KCNC2: variants seen among roughly 807,000 people sequenced by gnomAD.
KCNC2 encodes the protein potassium voltage-gated channel subfamily C member 2, also known as voltage-gated potassium channel KCNC2.
KCNC2 carries 21 observed loss-of-function variants against 44.5 expected under a neutral mutation model. That is an observed-to-expected ratio of 0.47 (90% CI 0.33 to 0.68). The LOEUF is 0.68. Ranked by LOEUF, KCNC2 falls within the 30% of genes least tolerant of loss-of-function variation. KCNC2 has a pLI of 0.01. For missense variants in KCNC2, 589 were observed against 826.2 expected (o/e 0.71, Z 3.52); for synonymous variants, 391 against 339.1 (o/e 1.15, Z -1.68).
At chr12:75,110,597 G>C (rs1887153649) in intron 2 of KCNC2, among the ~76,000 whole-genome samples, 1 of 152,122 alleles carries the variant, frequency 6.6e-6, no homozygotes, top group African/African-American at 2.4e-5. Context: ...GAGAACAAAA[G>C]AGGGCTGAGC....
At position 75,040,359 on chromosome 12, in the gene KCNC2, A is replaced by T. The variant is rs920429478; in HGVS notation, c.*2746T>A. ...AGTTTTAAAGACACGTACAAGCTTC[A>T]TTTGCCACAAAACTCACAAAAAAGT... On this transcript the variant is annotated 3_prime_UTR_variant, in exon 5 of 5. Transcript: ENST00000549446. 6.6e-6 allele frequency: 1 copy of T among 152,178 alleles called. No homozygotes were observed. Among genetic ancestry groups the T allele is most frequent in the Non-Finnish European group, 1.5e-5 (1 of 67,958 alleles). The allele number at this position is 152,178 out of a possible 1,614,324, so 9.4% of individuals were successfully genotyped here.
In KCNC2 at chr12:75,208,105, G is replaced by T. The variant is rs889625212; in HGVS notation, c.-19-103C>A. On this transcript the variant is annotated intron_variant, in intron 1 of 4. Transcript: ENST00000549446. ...GAGCGAGTCCAGGGATGCAGAGTTG[G>T]CAGACAGGCACGGGGCAAAGACCCT... is the stretch of plus-strand genomic sequence containing the variant. The T allele has an allele frequency of 2.0e-5, 27 of 1,383,516 alleles. No homozygotes were observed. In the African/African-American group the frequency reaches 2.5e-4, roughly 13 times the overall value. 85.7% of individuals were successfully genotyped at this position (1,383,516 alleles called of 1,614,324 possible).
intron 2 of KCNC2, among the ~76,000 whole-genome samples, chr12:75,097,402 T>C (rs1886026120): frequency 6.6e-6 from 1 of 152,062 alleles, no homozygotes; most frequent in African/African-American, 2.4e-5. Flanking sequence ...AACTATGGAC[T>C]TTGGTTCATA....
intron 2 of KCNC2, among the ~76,000 whole-genome samples, chr12:75,108,982 T>C (rs949149267): frequency 2.0e-5 from 3 of 152,196 alleles, no homozygotes; most frequent in African/African-American, 7.2e-5. Flanking sequence ...AAGAGAGTTA[T>C]ATACTAGAAG....
chr12:75,087,981 T>C (rs552649388), intron 2 of KCNC2, among the ~76,000 whole-genome samples: 11 of 139,036 alleles, frequency 7.9e-5, no homozygotes, highest in Non-Finnish European at 1.1e-4. Flanking sequence ...TTCATGGCAA[T>C]GGATATCAGT....
chr12:75,087,161 A>G (rs935561573), intron 2 of KCNC2, among the ~76,000 whole-genome samples: 1 of 152,134 alleles, frequency 6.6e-6, no homozygotes, highest in African/African-American at 2.4e-5. Context: ...AAACCATTTT[A>G]TCTTTACACT....
chr12:75,048,069 G>T, intron 4 of KCNC2, 84 bp downstream of exon 4: 1 of 1,222,908 alleles, frequency 8.2e-7, no homozygotes, highest in Non-Finnish European at 1.2e-6. Flanking sequence ...AGAAAATGAT[G>T]AATGAGCATT....
At chr12:75,144,136 C>A (rs1019041286) in intron 2 of KCNC2, among the ~76,000 whole-genome samples, 1 of 152,090 alleles carries the variant, frequency 6.6e-6, no homozygotes, top group African/African-American at 2.4e-5. Flanking sequence ...AAGATAGATT[C>A]GTCATTTGTA....
chr12:75,063,306 T>A (rs930132380), intron 2 of KCNC2, among the ~76,000 whole-genome samples: 1 of 152,074 alleles, frequency 6.6e-6, no homozygotes, highest in African/African-American at 2.4e-5. Flanking sequence ...ACTCCTATGT[T>A]GAGTCTTGGA....
intron 2 of KCNC2, among the ~76,000 whole-genome samples, chr12:75,166,339 A>G (rs1891448767): frequency 6.6e-6 from 1 of 151,180 alleles, no homozygotes; most frequent in Admixed American, 6.6e-5. Context: ...AAAGGAAGAA[A>G]TAGATAATTC....
At chr12:75,094,899 AAC>A (rs1885794618) in intron 2 of KCNC2, among the ~76,000 whole-genome samples, 1 of 151,824 alleles carries the variant, frequency 6.6e-6, no homozygotes, top group South Asian at 2.1e-4. Context: ...TAAGGTAGAA[AAC>A]ACATTAGCTA....
chr12:75,068,992 A>G (rs1216538455), intron 2 of KCNC2, among the ~76,000 whole-genome samples: 1 of 152,150 alleles, frequency 6.6e-6, no homozygotes, highest in East Asian at 1.9e-4. Flanking sequence ...GAGTATGTTC[A>G]TGGTAGAAGG....
At position 75,053,328 on chromosome 12, in the gene KCNC2, C is replaced by A. The variant is rs1338487273; in HGVS notation, c.688-2011G>T. Among the ~76,000 whole-genome samples the A allele has an allele frequency of 3.3e-5, 5 of 152,058 alleles. No individual in the cohort carries two copies. The East Asian group carries it at 9.6e-4, about 29-fold the overall frequency. On this transcript the variant is annotated intron_variant, in intron 2 of 4. Transcript: ENST00000549446. ...CTGAAGCATTTCAGGCATTTACAGA[C>A]TCAGAAGAATCTTCCTAAAGCCTTT...
At chr12:75,186,114 T>G (rs528724316) in intron 2 of KCNC2, among the ~76,000 whole-genome samples, 3 of 151,460 alleles carry the variant, frequency 2.0e-5, no homozygotes, top group Non-Finnish European at 4.4e-5. Flanking sequence ...TGTAATTAAA[T>G]AAAGAAAATA....
intron 2 of KCNC2, among the ~76,000 whole-genome samples, chr12:75,074,646 A>G (rs1305765212): frequency 6.6e-6 from 1 of 152,186 alleles, no homozygotes; most frequent in Non-Finnish European, 1.5e-5. Flanking sequence ...CACTTTCAAG[A>G]TTAAAAATAT....
At chr12:75,075,678 C>T (rs907267485) in intron 2 of KCNC2, among the ~76,000 whole-genome samples, 4 of 151,704 alleles carry the variant, frequency 2.6e-5, no homozygotes, top group African/African-American at 4.8e-5. Context: ...AAGTATTGAA[C>T]CTTCTGACTT....
At chr12:75,045,719 G>GTTT (rs1880422075) in intron 4 of KCNC2, among the ~76,000 whole-genome samples, 1 of 151,878 alleles carries the variant, frequency 6.6e-6, no homozygotes, top group Non-Finnish European at 1.5e-5. Context: ...GCATGTTTTA[G>GTTT]TTTATGCAAT....
At chr12:75,143,118 T>C (rs572707409) in intron 2 of KCNC2, among the ~76,000 whole-genome samples, 1 of 152,104 alleles carries the variant, frequency 6.6e-6, no homozygotes, top group Non-Finnish European at 1.5e-5. Context: ...TGAAAGAATA[T>C]CATCCTGGAA....
At chr12:75,080,768 T>G (rs561677430) in intron 2 of KCNC2, among the ~76,000 whole-genome samples, 1 of 152,130 alleles carries the variant, frequency 6.6e-6, no homozygotes, top group East Asian at 1.9e-4. Flanking sequence ...CGTCATTCTC[T>G]CTCTCCCCCT....
Sources: allele counts gnomAD v4.1 joint callset (sites outside exome capture counted in the v4.1 genomes callset), GRCh38; gene constraint gnomAD v4.1.1; transcripts MANE v1.5; gene names NCBI Gene and HGNC (gene_info 2026-07-23, HGNC 2026-07-21).